NAV3: variants seen among roughly 807,000 people sequenced by gnomAD.
The protein encoded by NAV3 is neuron navigator 3.
In NAV3, 87 loss-of-function variants were observed where a neutral mutation model predicts 244.7. The ratio of observed to expected loss-of-function variants is 0.36; its 90% confidence interval spans 0.30 to 0.42. The LOEUF (loss-of-function observed/expected upper bound fraction) is 0.42, where lower values mean the gene tolerates loss of function less well. Among genes scored for constraint, NAV3 ranks in the 20% least tolerant of loss-of-function variants. The pLI is 1.00. For missense variants in NAV3, 2,663 were observed against 2,893.3 expected (o/e 0.92, Z 1.83); for synonymous variants, 1,126 against 1,042.2 (o/e 1.08, Z -1.55).
intron 2 of NAV3, among the ~76,000 whole-genome samples, chr12:77,598,765 T>A: frequency 6.6e-6 from 1 of 151,962 alleles, no homozygotes; most frequent in East Asian, 1.9e-4. Context: ...TTTGTAAAAA[T>A]ATAATTTGCA....
intron 38 of NAV3, 68 bp downstream of exon 38, chr12:78,200,659 CAA>C: frequency 1.1e-5 from 9 of 846,958 alleles, no homozygotes; most frequent in Non-Finnish European, 1.3e-5. Flanking sequence ...ACTTTAAAAG[CAA>C]AAAAAAATAT....
intron 2 of NAV3, among the ~76,000 whole-genome samples, chr12:77,757,619 C>T (rs1869251623): frequency 6.6e-6 from 1 of 152,042 alleles, no homozygotes; most frequent in Non-Finnish European, 1.5e-5. Flanking sequence ...TAATGTTTTC[C>T]CTGAAAGTTT....
intron 2 of NAV3, among the ~76,000 whole-genome samples, chr12:77,578,015 C>G (rs1415869625): frequency 6.6e-6 from 1 of 152,052 alleles, no homozygotes; most frequent in East Asian, 1.9e-4. Flanking sequence ...AAAATTGATT[C>G]TAGTTCAGGA....
intron 5 of NAV3, 116 bp from the exon 6 acceptor site, chr12:77,994,687 T>C (rs1872054350): frequency 1.4e-6 from 1 of 719,422 alleles, no homozygotes; most frequent in South Asian, 1.8e-5. Context: ...TCTTTATACA[T>C]GTTTATACGT....
rs537501976 is a variant in NAV3 at position 77,810,396 on chromosome 12, C to T, written c.73-129923C>T. ...CTGTGTTAGCCAGGATGGTCTCGAT[C>T]TCCTGACCTCATGATCCGCCCACCT... On this transcript the variant is annotated intron_variant, in intron 2 of 8. Transcript: ENST00000550042. 7.6e-4 allele frequency among the ~76,000 whole-genome samples: 116 copies of T among 152,278 alleles called. 1 individual carries two copies. Among genetic ancestry groups the T allele is most frequent in the African/African-American group, 2.6e-3 (108 of 41,556 alleles).
At chr12:77,715,701 G>A (rs1876327118) in intron 2 of NAV3, among the ~76,000 whole-genome samples, 1 of 151,920 alleles carries the variant, frequency 6.6e-6, no homozygotes, top group Non-Finnish European at 1.5e-5. Context: ...GTGCCACAGG[G>A]TGTGTCATTA....
chr12:77,654,147 G>A (rs966679135), intron 2 of NAV3, among the ~76,000 whole-genome samples: 7 of 152,164 alleles, frequency 4.6e-5, no homozygotes, highest in Admixed American at 1.3e-4. Flanking sequence ...GAAGCAGGGC[G>A]AGGCATTGCC....
intron 29 of NAV3, among the ~76,000 whole-genome samples, chr12:78,180,643 G>C (rs987608473): frequency 3.9e-5 from 6 of 152,034 alleles, no homozygotes; most frequent in Non-Finnish European, 8.8e-5. Context: ...ATGTCGAATG[G>C]TTGGATTGTC....
chr12:78,187,407 A>G (rs1192794241), intron 31 of NAV3, among the ~76,000 whole-genome samples: 1 of 151,932 alleles, frequency 6.6e-6, no homozygotes, highest in African/African-American at 2.4e-5. Flanking sequence ...AACCAGGATT[A>G]TAATATGTCA....
At chr12:77,663,578 A>G (rs536331489) in intron 2 of NAV3, among the ~76,000 whole-genome samples, 17 of 150,080 alleles carry the variant, frequency 1.1e-4, no homozygotes, top group Middle Eastern at 3.4e-3. Context: ...CTGGAGCGCA[A>G]TGGCGCGATC....
intron 24 of NAV3, 93 bp from the exon 25 acceptor site, chr12:78,175,213 A>G (rs2139643539): frequency 1.4e-6 from 2 of 1,396,538 alleles, no homozygotes; most frequent in Non-Finnish European, 2.0e-6. Flanking sequence ...GTTGACCTTT[A>G]TTAGAGAACT....
At chr12:78,084,581 ACTCT>A (rs137892375) in intron 12 of NAV3, among the ~76,000 whole-genome samples, 23 of 150,134 alleles carry the variant, frequency 1.5e-4, no homozygotes, top group Middle Eastern at 3.4e-3. Flanking sequence ...TTGAGCCACC[ACTCT>A]CTCTCTCTCT....
chr12:77,599,201 C>T (rs1592490856), intron 2 of NAV3, among the ~76,000 whole-genome samples: 1 of 151,844 alleles, frequency 6.6e-6, no homozygotes, highest in South Asian at 2.1e-4. Flanking sequence ...GCAGGATTTT[C>T]TTCGTTTTTA....
At chr12:78,064,624 A>G (rs560134858) in intron 12 of NAV3, among the ~76,000 whole-genome samples, 1 of 152,292 alleles carries the variant, frequency 6.6e-6, no homozygotes, top group South Asian at 2.1e-4. Context: ...TTAAAAATTC[A>G]TATAAATTAG....
At chr12:77,804,189 T>C (rs1871853172) in intron 2 of NAV3, among the ~76,000 whole-genome samples, 1 of 152,176 alleles carries the variant, frequency 6.6e-6, no homozygotes, top group African/African-American at 2.4e-5. Flanking sequence ...TTTGTTGCCA[T>C]TGCTTTTGAT....
Position 78,210,709 on chromosome 12 carries a change from A to G in NAV3, c.*192A>G, listed in dbSNP as rs1960816904. ...TAAATTGCAATGGAAGCTTAACTTT[A>G]GTTTATTTCTAAGCATTTTTTATAT... On this transcript the variant is annotated 3_prime_UTR_variant, in exon 40 of 40. Coordinates refer to ENST00000397909, the MANE Select transcript of NAV3 (RefSeq NM_001024383.2). 3 of 623,918 alleles carry G rather than the reference A, an allele frequency of 4.8e-6. No homozygotes were observed. The highest frequency in any genetic ancestry group is 1.9e-5 in the African/African-American group (1 of 53,924). 38.6% of individuals were successfully genotyped at this position (623,918 alleles called of 1,614,324 possible).
intron 2 of NAV3, among the ~76,000 whole-genome samples, chr12:77,621,477 C>T (rs711119): frequency 0.2 from 27,280 of 134,912 alleles, 3,424 homozygotes; most frequent in African/African-American, 0.38. Flanking sequence ...TTTCTCTTCT[C>T]TTTTTTTTTT....
intron 34 of NAV3, among the ~76,000 whole-genome samples, chr12:78,195,801 CATAAT>C (rs1418043878): frequency 6.6e-6 from 1 of 152,024 alleles, no homozygotes; most frequent in African/African-American, 2.4e-5. Context: ...TCTCATATCT[CATAAT>C]ATATTTATGA....
At chr12:77,591,839 A>G (rs1199235034) in intron 2 of NAV3, among the ~76,000 whole-genome samples, 1 of 152,212 alleles carries the variant, frequency 6.6e-6, no homozygotes, top group Non-Finnish European at 1.5e-5. Flanking sequence ...GTTTAAGTCC[A>G]TATGTCATAT....
Sources: allele counts gnomAD v4.1 joint callset (sites outside exome capture counted in the v4.1 genomes callset), GRCh38; gene constraint gnomAD v4.1.1; transcripts MANE v1.5; gene names NCBI Gene and HGNC (gene_info 2026-07-23, HGNC 2026-07-21).